Variants in FST observed in about 807,000 individuals in gnomAD.
FST encodes the protein follistatin.
FST carries 6 observed loss-of-function variants against 38.4 expected under a neutral mutation model. The observed-to-expected ratio is 0.16, with a 90% CI of 0.09 to 0.31. The LOEUF (loss-of-function observed/expected upper bound fraction) is 0.31, where lower values mean the gene tolerates loss of function less well. FST is among the 10% of genes least tolerant of loss of function. The pLI, the probability that FST is intolerant of heterozygous loss-of-function variation, is 1.00. For missense variants in FST, 301 were observed against 432.3 expected (o/e 0.70, Z 2.69); for synonymous variants, 157 against 169.8 (o/e 0.92, Z 0.59).
intron 1 of FST, chr5:53,482,570 T>A: frequency 2.4e-6 from 1 of 412,458 alleles, no homozygotes; most frequent in East Asian, 3.8e-5. Flanking sequence ...CTGCACGTGT[T>A]GTGTCTGGGT....
rs1219326911 is a variant in FST, at chr5:53,480,718, C to A, written c.-74C>A. 2.8e-6 allele frequency: 1 copy of A among 353,594 alleles called. No homozygotes were observed. The highest frequency in any genetic ancestry group is 1.2e-4 in the East Asian group (1 of 8,214). The allele number at this position is 353,594 out of a possible 1,614,324, so 21.9% of individuals were successfully genotyped here. A position where few individuals can be genotyped will look rare whatever the true frequency, so the allele number is the denominator to read the frequency against. ...CGCCGCTGGCCTCTGCGACGCGCGC[C>A]GCTCGCCCGAGCCACCCGCCGCCGC... On this transcript the variant is annotated 5_prime_UTR_variant, in exon 1 of 6. Coordinates refer to ENST00000256759, the MANE Select transcript of FST (RefSeq NM_013409.3).
In FST at chr5:53,483,179, CT is replaced by C; in HGVS notation, c.277+110del. On this transcript the variant is annotated intron_variant, in intron 2 of 5. Transcript: ENST00000256759. This position sits in a 1 kb window ranked among gnomAD's most constrained non-coding sequence, Gnocchi z 4.1. Reference sequence around the variant, plus strand: ...GGAGTAGGAGAGCTTTGTTCCTGGGCTTCCCCTTCCTGTCCCTTGCCCTGGT... The same window carrying C: ...GGAGTAGGAGAGCTTTGTTCCTGGGCTCCCCTTCCTGTCCCTTGCCCTGGT... The C allele has an allele frequency of 1.3e-6, 1 of 749,008 alleles. No homozygotes were observed. Among genetic ancestry groups the C allele is most frequent in the Non-Finnish European group, 2.3e-6 (1 of 436,634 alleles). 46.4% of individuals were successfully genotyped at this position (749,008 alleles called of 1,614,324 possible).
intron 5 of FST, among the ~76,000 whole-genome samples, chr5:53,485,488 G>C (rs992217622): frequency 2.0e-5 from 3 of 151,266 alleles, no homozygotes; most frequent in Non-Finnish European, 2.9e-5. Context: ...TTGTGTTTTG[G>C]TAGTGTGCTT....
In FST at chr5:53,483,378, G is replaced by A; in HGVS notation, c.278-126G>A. Reference sequence around the variant, plus strand: ...TTCACCAACTCCCAATATTCCAGGAGAGAGCCTGGGGCCCCTCCAGCGCAA... The same window carrying A: ...TTCACCAACTCCCAATATTCCAGGAAAGAGCCTGGGGCCCCTCCAGCGCAA... On this transcript the variant is annotated intron_variant, in intron 2 of 5. Transcript: ENST00000256759. This position sits in a 1 kb window ranked among gnomAD's most constrained non-coding sequence, Gnocchi z 4.1. 1.4e-6 allele frequency: 1 copy of A among 695,062 alleles called. No individual in the cohort carries two copies. Among genetic ancestry groups the A allele is most frequent in the Non-Finnish European group, 2.5e-6 (1 of 397,334 alleles). 43.1% of individuals were successfully genotyped at this position (695,062 alleles called of 1,614,324 possible). A position where few individuals can be genotyped will look rare whatever the true frequency, so the allele number is the denominator to read the frequency against.
intron 1 of FST, among the ~76,000 whole-genome samples, chr5:53,481,482 A>AAAAAG (rs1747207605): frequency 6.7e-6 from 1 of 150,296 alleles, no homozygotes; most frequent in South Asian, 2.1e-4. Flanking sequence ...AAAAAAAAAA[A>AAAAAG]AAAAGCCAAA....
At chr5:53,481,654 G>T (rs1174719165) in intron 1 of FST, among the ~76,000 whole-genome samples, 1 of 152,042 alleles carries the variant, frequency 6.6e-6, no homozygotes, top group Non-Finnish European at 1.5e-5. Context: ...TTTAAAAATA[G>T]ATTTGTTTAT....
At position 53,480,787 on chromosome 5, in the gene FST, C is replaced by G; in HGVS notation, c.-5C>G. ...TGCGCTCCTCGCCCCGCGCCTGCCC[C>G]CAGGATGGTCCGCGCGAGGCACCAG... On this transcript the variant is annotated 5_prime_UTR_variant, in exon 1 of 6. Coordinates refer to ENST00000256759, the MANE Select transcript of FST (RefSeq NM_013409.3). 6.7e-7 allele frequency: 1 copy of G among 1,481,926 alleles called. No individual in the cohort carries two copies. The highest frequency in any genetic ancestry group is 9.0e-7 in the Non-Finnish European group (1 of 1,107,340). 91.8% of individuals were successfully genotyped at this position (1,481,926 alleles called of 1,614,324 possible). A position where few individuals can be genotyped will look rare whatever the true frequency, so the allele number is the denominator to read the frequency against.
intron 1 of FST, 46 bp downstream of exon 1, chr5:53,480,922 G>T: frequency 2.7e-6 from 3 of 1,124,342 alleles, no homozygotes; most frequent in Non-Finnish European, 3.9e-6. Flanking sequence ...GAGGACAGGG[G>T]GGTCGACTTT....
At chr5:53,485,280 T>C (rs1202265997) in intron 5 of FST, 53 bp downstream of exon 5, 2 of 941,914 alleles carry the variant, frequency 2.1e-6, no homozygotes, top group Non-Finnish European at 1.7e-6. Flanking sequence ...AGGCAATCCC[T>C]AGGGAATGGA....
rs551142768 is a variant in FST at position 53,487,112 on chromosome 5, A to G, written c.*1079A>G. On this transcript the variant is annotated 3_prime_UTR_variant, in exon 6 of 6. Transcript: ENST00000256759. ...TTGTAAATAAATGATGAGTGAAAAAATAAAAAAATTTTAAAAAGCCAATGG... is the reference window on the plus strand; with the variant it reads ...TTGTAAATAAATGATGAGTGAAAAAGTAAAAAAATTTTAAAAAGCCAATGG... 6.6e-6 allele frequency: 1 copy of G among 152,360 alleles called. No homozygotes were observed. The highest frequency in any genetic ancestry group is 2.4e-5 in the African/African-American group (1 of 41,578). The allele number at this position is 152,360 out of a possible 1,614,324, so 9.4% of individuals were successfully genotyped here.
At chr5:53,484,866 G>A (rs1747453363) in intron 4 of FST, 131 bp from the exon 5 acceptor site, 3 of 597,176 alleles carry the variant, frequency 5.0e-6, no homozygotes, top group Middle Eastern at 4.4e-4. Context: ...ACCCCCATTA[G>A]TAATAGGCTA....
At chr5:53,485,637 C>A (rs1561299788) in intron 5 of FST, 10 of 1,160,680 alleles carry the variant, frequency 8.6e-6, no homozygotes, top group Non-Finnish European at 1.3e-5. Context: ...GAATTAAGGA[C>A]CCAAAGCAGT....
rs760286767 is a variant in FST, at chr5:53,483,495, A to G, written c.278-9A>G. The G allele has an allele frequency of 1.0e-5, 16 of 1,605,898 alleles. 1 individual carries two copies. In the South Asian group the frequency reaches 1.7e-4, roughly 17 times the overall value. On this transcript the variant is annotated splice_polypyrimidine_tract_variant and intron_variant, in intron 2 of 5. Transcript: ENST00000256759. This position sits in a 1 kb window ranked among gnomAD's most constrained non-coding sequence, Gnocchi z 4.1. ...CTGGTTTTAATCCATGCCTGTTTCT[A>G]ACTCACAGAAACGTGTGAGAACGTG...
At position 53,485,081 on chromosome 5, in the gene FST, T is replaced by C; in HGVS notation, c.806T>C (p.Leu269Pro). ...DFKVGRGRCS[L>P]CDELCPDSKS... is the part of the protein sequence containing the mutation. ...AAGGTTGGGAGAGGCCGGTGTTCCC[T>C]CTGTGATGAGCTGTGCCCTGACAGT... is the stretch of plus-strand genomic sequence containing the variant. The change falls in exon 5 of 6, where the codon CTC becomes CCC. Residue 269 changes from leucine to proline, a missense_variant. Coordinates refer to ENST00000256759, the MANE Select transcript of FST (RefSeq NM_013409.3). The C allele has an allele frequency of 6.2e-7, 1 of 1,612,048 alleles. No individual in the cohort carries two copies. The highest frequency in any genetic ancestry group is 1.1e-5 in the South Asian group (1 of 91,050).
chr5:53,480,927 G>T (rs779220888), intron 1 of FST, 51 bp downstream of exon 1: 1 of 1,013,870 alleles, frequency 9.9e-7, no homozygotes, highest in South Asian at 1.5e-5. Flanking sequence ...CAGGGGGGTC[G>T]ACTTTTCTGT....
At chr5:53,485,438 T>A in intron 5 of FST, among the ~76,000 whole-genome samples, 1 of 152,222 alleles carries the variant, frequency 6.6e-6, no homozygotes, top group East Asian at 1.9e-4. Context: ...TCAATGGGGT[T>A]GCCTCTAGAA....
intron 1 of FST, among the ~76,000 whole-genome samples, chr5:53,482,313 TTTC>T (rs1443070637): frequency 2.7e-5 from 4 of 149,852 alleles, no homozygotes; most frequent in African/African-American, 7.6e-5. Context: ...TCTTCTTTCT[TTTC>T]TTTCTTTCTT....
intron 1 of FST, among the ~76,000 whole-genome samples, chr5:53,481,756 C>T (rs1001673381): frequency 2.0e-5 from 3 of 152,196 alleles, no homozygotes; most frequent in African/African-American, 4.8e-5. Flanking sequence ...CATGAGAAGT[C>T]TTCTCGACCC....
Position 53,483,836 on chromosome 5 carries a change from A to C in FST, c.496+114A>C. The C allele has an allele frequency of 1.3e-6, 1 of 758,612 alleles. No individual in the cohort carries two copies. The highest frequency in any genetic ancestry group is 2.2e-6 in the Non-Finnish European group (1 of 458,220). 47.0% of individuals were successfully genotyped at this position (758,612 alleles called of 1,614,324 possible). On this transcript the variant is annotated intron_variant, in intron 3 of 5. Transcript: ENST00000256759. The surrounding 1 kb of genome is among the most constrained non-coding windows in gnomAD (Gnocchi z 4.1). ...TGGTGTAGTCCGCAGTAAGAGCCTGATAATAGTAATACTGAAACCAAATAA... is the reference window on the plus strand; with the variant it reads ...TGGTGTAGTCCGCAGTAAGAGCCTGCTAATAGTAATACTGAAACCAAATAA...
Sources: gnomAD v4.1 joint callset for allele counts (sites outside exome capture counted in the v4.1 genomes callset) on GRCh38, gnomAD v4.1.1 for gene constraint, Gnocchi (gnomAD v3.1) non-coding constraint, MANE v1.5 for transcripts, NCBI Gene and HGNC (gene_info 2026-07-23, HGNC 2026-07-21) for gene names.